MAP4K4: variants seen among roughly 807,000 people sequenced by gnomAD.
MAP4K4 encodes mitogen-activated protein kinase kinase kinase kinase 4, also known as HPK/GCK-like kinase HGK.
Under a neutral mutation model 189.6 loss-of-function variants are expected in MAP4K4, and 38 were observed. That is an observed-to-expected ratio of 0.20 (90% CI 0.15 to 0.26). MAP4K4 has a LOEUF of 0.26. MAP4K4 is among the 10% of genes least tolerant of loss of function. The pLI is 1.00. For synonymous variants in MAP4K4, 610 were observed against 624.3 expected, an observed-to-expected ratio of 0.98 and a Z score of 0.34; for missense variants, 1,054 against 1,726.9, an observed-to-expected ratio of 0.61 and a Z score of 6.91.
At chr2:101,768,133 T>A (rs910355947) in intron 2 of MAP4K4, among the ~76,000 whole-genome samples, 7 of 152,246 alleles carry the variant, frequency 4.6e-5, no homozygotes, top group Non-Finnish European at 1.0e-4. Context: ...TATGATTATC[T>A]TGTATCATAA....
rs572236492 is a variant in MAP4K4 at position 101,733,041 on chromosome 2, A to C, written c.123+34503A>C. Among the ~76,000 whole-genome samples the C allele has an allele frequency of 3.7e-4, 57 of 152,332 alleles. No individual in the cohort carries two copies. The South Asian group carries it at 0.011, about 28-fold the overall frequency. ...TCTGCCAATGTTACTACGTCCCAAG[A>C]AGCTTTTCAGGTGGCTTCCAGGTCT... On this transcript the variant is annotated intron_variant, in intron 2 of 32. Transcript: ENST00000324219.
intron 22 of MAP4K4, 88 bp downstream of exon 22, chr2:101,869,885 G>C: frequency 7.0e-7 from 1 of 1,436,686 alleles, no homozygotes; most frequent in Non-Finnish European, 9.2e-7. Flanking sequence ...AGACTATTCC[G>C]TGACCCCATG....
chr2:101,867,287 T>G (rs1451854371), exon 20 of MAP4K4: 3 of 1,606,976 alleles, frequency 1.9e-6, no homozygotes, highest in Non-Finnish European at 2.5e-6. Flanking sequence ...AAAAAGGAAG[T>G]TTTCAGACCC....
At position 101,719,970 on chromosome 2, in the gene MAP4K4, C is replaced by T. The variant is rs559497682; in HGVS notation, c.123+21432C>T. ...GAGGTTGCAGTGAGCTGAGATCATG[C>T]CACTGCACTCCAGCCTGGGCGACAA... On this transcript the variant is annotated intron_variant, in intron 2 of 32. Coordinates refer to ENST00000324219, the Ensembl canonical transcript of MAP4K4. Among the ~76,000 whole-genome samples, 377 of 152,000 alleles carry T rather than the reference C, an allele frequency of 2.5e-3. 2 individuals carry two copies. The highest frequency in any genetic ancestry group is 6.8e-3 in the Middle Eastern group (2 of 292).
At chr2:101,845,338 T>G (rs1466339289) in intron 12 of MAP4K4, among the ~76,000 whole-genome samples, 2 of 152,208 alleles carry the variant, frequency 1.3e-5, no homozygotes, top group Admixed American at 1.3e-4. Flanking sequence ...GTAATGTGGT[T>G]ACCTTACAGC....
intron 2 of MAP4K4, among the ~76,000 whole-genome samples, chr2:101,775,188 G>A (rs1031080641): frequency 5.3e-5 from 8 of 151,856 alleles, no homozygotes; most frequent in Admixed American, 1.3e-4. Flanking sequence ...TATTGGTACA[G>A]TTTAGGAGGA....
At chr2:101,720,088 GAAAC>G (rs763636802) in intron 2 of MAP4K4, among the ~76,000 whole-genome samples, 8 of 151,578 alleles carry the variant, frequency 5.3e-5, no homozygotes, top group Non-Finnish European at 1.0e-4. Context: ...TGTTGAGAAA[GAAAC>G]AAGGAAAAAA....
chr2:101,852,256 G>T (rs148792939), intron 12 of MAP4K4, among the ~76,000 whole-genome samples: 1 of 151,924 alleles, frequency 6.6e-6, no homozygotes, highest in African/African-American at 2.4e-5. Flanking sequence ...ATTGGATTTC[G>T]TAGGACCTAG....
At chr2:101,839,076 A>G (rs1236991433) in intron 9 of MAP4K4, among the ~76,000 whole-genome samples, 1 of 152,242 alleles carries the variant, frequency 6.6e-6, no homozygotes, top group African/African-American at 2.4e-5. Context: ...GAGTGTTGCC[A>G]GGAAGATTTA....
intron 14 of MAP4K4, 71 bp from the exon 15 acceptor site, chr2:101,859,572 C>T (rs1050162170): frequency 1.8e-5 from 22 of 1,199,652 alleles, no homozygotes; most frequent in Non-Finnish European, 2.3e-5. Flanking sequence ...TTTTAAAAGC[C>T]GAACAAATCC....
intron 2 of MAP4K4, among the ~76,000 whole-genome samples, chr2:101,725,551 C>T (rs1010106320): frequency 6.6e-6 from 1 of 152,078 alleles, no homozygotes; most frequent in Non-Finnish European, 1.5e-5. Flanking sequence ...GAATTACATC[C>T]CTTGCATAAT....
At chr2:101,751,113 A>G (rs2068715702) in intron 2 of MAP4K4, among the ~76,000 whole-genome samples, 1 of 152,198 alleles carries the variant, frequency 6.6e-6, no homozygotes, top group Non-Finnish European at 1.5e-5. Context: ...GTTGGAAAGT[A>G]TGATGGGGTT....
At chr2:101,893,534 G>A (rs568520445) in exon 33 of MAP4K4, 1 of 254,982 alleles carries the variant, frequency 3.9e-6, no homozygotes, top group East Asian at 9.7e-5. Context: ...ACACACTCGT[G>A]TACATATCAA....
At chr2:101,802,927 A>G (rs1323716566) in intron 3 of MAP4K4, among the ~76,000 whole-genome samples, 5 of 152,116 alleles carry the variant, frequency 3.3e-5, no homozygotes, top group Non-Finnish European at 7.4e-5. Context: ...CTGGGATTAC[A>G]GGCGTCTGCC....
chr2:101,796,836 T>C (rs974063186), intron 3 of MAP4K4, among the ~76,000 whole-genome samples: 2 of 152,300 alleles, frequency 1.3e-5, no homozygotes, highest in African/African-American at 4.8e-5. Flanking sequence ...CCTAGCGCCA[T>C]GTTCCATGGA....
chr2:101,870,223 G>T, intron 22 of MAP4K4, 72 bp from the exon 23 acceptor site: 5 of 1,515,996 alleles, frequency 3.3e-6, no homozygotes, highest in Non-Finnish European at 4.5e-6. Flanking sequence ...TTTTGAGAAG[G>T]CGAAAAGCCT....
chr2:101,811,634 T>C (rs1576021344), intron 3 of MAP4K4, among the ~76,000 whole-genome samples: 1 of 152,070 alleles, frequency 6.6e-6, no homozygotes, highest in Admixed American at 6.6e-5. Context: ...ACGAGCCATC[T>C]CTCTCCCTGT....
intron 2 of MAP4K4, among the ~76,000 whole-genome samples, chr2:101,718,637 AG>A (rs1265178152): frequency 6.7e-6 from 1 of 148,932 alleles, no homozygotes; most frequent in Non-Finnish European, 1.5e-5. Context: ...GGATGGGTTA[AG>A]GGTGGGATTG....
chr2:101,726,735 G>C (rs995366759), intron 2 of MAP4K4, among the ~76,000 whole-genome samples: 1 of 152,038 alleles, frequency 6.6e-6, no homozygotes, highest in African/African-American at 2.4e-5. Flanking sequence ...ATGTTTTGTG[G>C]TTTGTTTGGC....
Sources: allele counts gnomAD v4.1 joint callset (sites outside exome capture counted in the v4.1 genomes callset), GRCh38; gene constraint gnomAD v4.1.1; transcripts MANE v1.5; gene names NCBI Gene and HGNC (gene_info 2026-07-23, HGNC 2026-07-21).